The following SYNE1 variants were observed in gnomAD, a reference collection of about 807,000 sequenced individuals.
SYNE1 encodes nesprin-1.
SYNE1 carries 616 observed loss-of-function variants against 1,111.0 expected under a neutral mutation model. The ratio of observed to expected loss-of-function variants is 0.55; its 90% confidence interval spans 0.52 to 0.59. SYNE1 has a LOEUF of 0.59. Among genes scored for constraint, SYNE1 ranks in the 20% least tolerant of loss-of-function variants. The probability of loss-of-function intolerance (pLI) is 0.00; values close to 1 mark genes in which losing one functional copy is unlikely to be tolerated. For synonymous variants in SYNE1, 3,855 were observed against 3,825.8 expected (o/e 1.01, Z -0.28); for missense variants, 10,006 against 10,417.0 (o/e 0.96, Z 1.72).
chr6:152,129,216 A>C (rs1049869996), intron 145 of SYNE1: 5 of 152,236 alleles, frequency 3.3e-5, no homozygotes, highest in African/African-American at 1.2e-4. Flanking sequence ...CGGAGAGCAG[A>C]TAGACGCAAT....
chr6:152,522,633 G>T (rs779421878), intron 5 of SYNE1, among the ~76,000 whole-genome samples: 1 of 151,896 alleles, frequency 6.6e-6, no homozygotes, highest in African/African-American at 2.4e-5. Context: ...AAATCATACC[G>T]TTTTTCCATA....
In SYNE1 at chr6:152,208,108, C is replaced by T. The variant is rs768489386; in HGVS notation, c.22688G>A (p.Arg7563His). The T allele has an allele frequency of 1.1e-5, 18 of 1,614,052 alleles. No homozygotes were observed. In the South Asian group the frequency reaches 1.4e-4, roughly 13 times the overall value. The stretch of plus-strand genomic sequence containing the variant: ...CATCTCCCTATAGCGCTGCCACTGG[C>T]GAATCTGGCTGTCAATGATCCCCCG... Reference protein sequence around the residue: ...QRRGIIDSQIRQWQRYREMAE... With the variant: ...QRRGIIDSQIHQWQRYREMAE... Residue 7563 changes from arginine (R) to histidine (H), a missense_variant, in exon 125 of 146, where the codon CGC (arginine) becomes CAC (histidine). Physicochemically the swap from Arg to His is conservative, Grantham distance 29. Transcript: ENST00000367255.
intron 21 of SYNE1, among the ~76,000 whole-genome samples, chr6:152,459,362 G>A (rs76833377): frequency 0.022 from 3,329 of 152,082 alleles, 208 homozygotes; most frequent in East Asian, 0.21. Flanking sequence ...TCAAGAGATC[G>A]CCTACTTGAA....
intron 66 of SYNE1, 65 bp downstream of exon 66, chr6:152,358,308 G>T: frequency 1.9e-6 from 3 of 1,607,596 alleles, no homozygotes; most frequent in South Asian, 1.1e-5. Context: ...ACTTCCTATT[G>T]CCTAAAATAA....
In SYNE1 at chr6:152,326,591, G is replaced by A; in HGVS notation, c.14998C>T (p.Gln5000Ter). 6.2e-7 allele frequency: 1 copy of A among 1,614,160 alleles called. No homozygotes were observed. The highest frequency in any genetic ancestry group is 8.5e-7 in the Non-Finnish European group (1 of 1,180,044). The stretch of plus-strand genomic sequence containing the variant: ...CAGTCATTGGCTGCTTGAAATACCT[G>A]ATAATACCTTTGACACTGGCTATAT... Reference protein sequence around the residue: ...EIYSQCQRYYQVFQAANDWLE... With the variant: ...EIYSQCQRYY Residue 5000 changes from glutamine (Q) to a stop codon, truncating the protein, a stop_gained, in exon 79 of 146, where the codon CAG (glutamine) becomes TAG (stop). Transcript: ENST00000367255. LOFTEE classifies it high-confidence loss of function.
chr6:152,607,254 G>A (rs1314324944), intron 3 of SYNE1, among the ~76,000 whole-genome samples: 1 of 152,082 alleles, frequency 6.6e-6, no homozygotes, highest in East Asian at 1.9e-4. Flanking sequence ...AAAGTGCTGG[G>A]ATTACAGGCG....
In SYNE1 at chr6:152,511,111, A is replaced by G. The variant is rs753557519; in HGVS notation, c.310-8T>C. On this transcript the variant is annotated splice_polypyrimidine_tract_variant and splice_region_variant and intron_variant, in intron 6 of 145. Transcript: ENST00000367255. ...AATGTTGACTAATTTAATCTGTTTA[A>G]AAAAGAGAAACTGTACTAGTAATGT... 6.2e-6 allele frequency: 10 copies of G among 1,610,346 alleles called. No individual in the cohort carries two copies. The African/African-American group carries it at 1.2e-4, about 19-fold the overall frequency.
intron 70 of SYNE1, 30 bp from the exon 71 acceptor site, chr6:152,350,800 T>C (rs2096728369): frequency 6.2e-7 from 1 of 1,613,642 alleles, no homozygotes; most frequent in African/African-American, 1.3e-5. Flanking sequence ...AAAATGAGCC[T>C]GCTCATCTCC....
chr6:152,290,519 A>G (rs1343826443), intron 95 of SYNE1, among the ~76,000 whole-genome samples: 1 of 152,118 alleles, frequency 6.6e-6, no homozygotes, highest in Non-Finnish European at 1.5e-5. Flanking sequence ...TCACGTCACT[A>G]CATTCCAGCC....
intron 110 of SYNE1, 102 bp downstream of exon 110, chr6:152,236,005 G>C: frequency 1.5e-6 from 2 of 1,328,020 alleles, no homozygotes; most frequent in Non-Finnish European, 2.2e-6. Flanking sequence ...GGCCACCCAA[G>C]TAATGAGATT....
At chr6:152,289,925 CT>C (rs71017532) in intron 95 of SYNE1, among the ~76,000 whole-genome samples, 47,401 of 129,760 alleles carry the variant, frequency 0.37, 8,652 homozygotes, top group Admixed American at 0.44. Flanking sequence ...CGCGCCCAGC[CT>C]TTTTTTTTTT....
intron 55 of SYNE1, among the ~76,000 whole-genome samples, chr6:152,382,670 T>C (rs1025457543): frequency 6.6e-6 from 1 of 152,184 alleles, no homozygotes; most frequent in Non-Finnish European, 1.5e-5. Context: ...GAAAAAAATC[T>C]AACTTTTTAA....
At chr6:152,433,004 T>G (rs1340040486) in intron 34 of SYNE1, among the ~76,000 whole-genome samples, 1 of 152,044 alleles carries the variant, frequency 6.6e-6, no homozygotes, top group Admixed American at 6.6e-5. Flanking sequence ...CGACTTGTTC[T>G]GAGCCACAGT....
intron 126 of SYNE1, among the ~76,000 whole-genome samples, chr6:152,205,291 A>T (rs1563487248): frequency 6.6e-6 from 1 of 152,192 alleles, no homozygotes; most frequent in Non-Finnish European, 1.5e-5. Context: ...AGGTGTCTTT[A>T]CTTTTAAAGA....
At position 152,148,043 on chromosome 6, in the gene SYNE1, A is replaced by G; in HGVS notation, c.24976+2T>C. On this transcript the variant is annotated splice_donor_variant, in intron 137 of 145. Coordinates refer to ENST00000367255, the MANE Select transcript of SYNE1 (RefSeq NM_182961.4). LOFTEE classifies it high-confidence loss of function. This position sits in a 1 kb window ranked among gnomAD's most constrained non-coding sequence, Gnocchi z 4.1. ...TGGCAAACTGGAGAGGCTCTTTCCTACCTGATAAGCCAACAGCTCCCCGGA... is the reference window on the plus strand; with the variant it reads ...TGGCAAACTGGAGAGGCTCTTTCCTGCCTGATAAGCCAACAGCTCCCCGGA... 6.2e-7 allele frequency: 1 copy of G among 1,613,542 alleles called. No homozygotes were observed. Among genetic ancestry groups the G allele is most frequent in the Non-Finnish European group, 8.5e-7 (1 of 1,179,832 alleles).
intron 3 of SYNE1, among the ~76,000 whole-genome samples, chr6:152,589,650 T>G (rs191788476): frequency 6.6e-6 from 1 of 152,172 alleles, no homozygotes; most frequent in Admixed American, 6.5e-5. Context: ...AAGAATCACA[T>G]GTGCATGTGA....
chr6:152,328,523 A>G (rs970822689), intron 78 of SYNE1, among the ~76,000 whole-genome samples: 9 of 151,624 alleles, frequency 5.9e-5, no homozygotes, highest in African/African-American at 2.2e-4. Flanking sequence ...TTACTGCCTC[A>G]GCCTCCCAAA....
intron 127 of SYNE1, among the ~76,000 whole-genome samples, chr6:152,192,920 G>A (rs7741849): frequency 0.33 from 49,550 of 151,698 alleles, 8,121 homozygotes; most frequent in South Asian, 0.41. Flanking sequence ...ATAGAATATC[G>A]TTTTCCATCC....
At chr6:152,266,133 T>A (rs2092676382) in intron 100 of SYNE1, among the ~76,000 whole-genome samples, 1 of 152,306 alleles carries the variant, frequency 6.6e-6, no homozygotes, top group East Asian at 1.9e-4. Flanking sequence ...GTCTTTAAAG[T>A]GGATCTTATA....
Sources: allele counts gnomAD v4.1 joint callset (sites outside exome capture counted in the v4.1 genomes callset), GRCh38; gene constraint gnomAD v4.1.1; non-coding constraint Gnocchi (gnomAD v3.1); transcripts MANE v1.5; gene names NCBI Gene and HGNC (gene_info 2026-07-23, HGNC 2026-07-21).